SP100: variants seen among roughly 807,000 people sequenced by gnomAD.
The protein encoded by SP100 is nuclear autoantigen Sp-100.
In SP100, 84 loss-of-function variants were observed where a neutral mutation model predicts 130.0. That is an observed-to-expected ratio of 0.65 (90% CI 0.54 to 0.77). SP100 has a LOEUF of 0.77. Ranked by LOEUF, SP100 falls within the 30% of genes least tolerant of loss-of-function variation. The probability of loss-of-function intolerance (pLI) is 0.00; values close to 1 mark genes in which losing one functional copy is unlikely to be tolerated. For synonymous variants in SP100, 331 were observed against 351.7 expected, an observed-to-expected ratio of 0.94 and a Z score of 0.66; for missense variants, 978 against 1,052.2, an observed-to-expected ratio of 0.93 and a Z score of 0.97.
intron 13 of SP100, among the ~76,000 whole-genome samples, chr2:230,468,002 G>A (rs1415514007): frequency 1.3e-5 from 2 of 152,074 alleles, no homozygotes; most frequent in Non-Finnish European, 2.9e-5. Flanking sequence ...TTGACAGATG[G>A]CCCCCAACAT....
chr2:230,485,114 A>ATTTTT (rs1481299482), intron 17 of SP100, among the ~76,000 whole-genome samples: 2 of 150,808 alleles, frequency 1.3e-5, no homozygotes, highest in Non-Finnish European at 3.0e-5. Context: ...ATTTTATTTT[A>ATTTTT]TTTTATTATT....
intron 27 of SP100, among the ~76,000 whole-genome samples, chr2:230,541,585 G>T (rs1692179516): frequency 6.6e-6 from 1 of 152,164 alleles, no homozygotes; most frequent in South Asian, 2.1e-4. Flanking sequence ...TGTCAGTAGG[G>T]TCCGGTTCTG....
chr2:230,465,248 T>C (rs1335206574), intron 11 of SP100, among the ~76,000 whole-genome samples: 1 of 151,092 alleles, frequency 6.6e-6, no homozygotes, highest in African/African-American at 2.4e-5. Context: ...AAAAAAAAAT[T>C]AGCCAGGAAT....
intron 8 of SP100, among the ~76,000 whole-genome samples, chr2:230,457,835 C>A (rs2064361881): frequency 6.6e-6 from 1 of 152,124 alleles, no homozygotes; most frequent in Non-Finnish European, 1.5e-5. Context: ...CTCTACTTCT[C>A]CCCAATTTTC....
At chr2:230,521,000 G>C (rs1212827625) in intron 24 of SP100, among the ~76,000 whole-genome samples, 7 of 152,166 alleles carry the variant, frequency 4.6e-5, no homozygotes, top group African/African-American at 1.7e-4. Flanking sequence ...GCATTAATCA[G>C]TATGTCAACA....
chr2:230,440,579 C>A, intron 2 of SP100: 1 of 1,376,134 alleles, frequency 7.3e-7, no homozygotes, highest in Non-Finnish European at 9.5e-7. Flanking sequence ...GAGAGATATA[C>A]AATGTTAACA....
intron 8 of SP100, among the ~76,000 whole-genome samples, chr2:230,451,726 G>A (rs973242121): frequency 6.6e-5 from 10 of 152,248 alleles, no homozygotes; most frequent in South Asian, 2.1e-4. Flanking sequence ...GACCAATGTC[G>A]TGAAGCTTTT....
At chr2:230,463,378 G>A (rs977114283) in intron 10 of SP100, among the ~76,000 whole-genome samples, 6 of 152,072 alleles carry the variant, frequency 3.9e-5, no homozygotes, top group African/African-American at 9.7e-5. Context: ...TATGCAAATT[G>A]GTTGATTTGT....
intron 2 of SP100, among the ~76,000 whole-genome samples, chr2:230,430,454 T>G (rs1327746184): frequency 3.3e-5 from 5 of 152,248 alleles, no homozygotes; most frequent in Admixed American, 6.5e-5. Flanking sequence ...GTAGGGCCAC[T>G]GGCTGTGCTT....
chr2:230,474,334 A>G, intron 16 of SP100, 60 bp from the exon 17 acceptor site: 1 of 871,268 alleles, frequency 1.1e-6, no homozygotes, highest in Non-Finnish European at 1.9e-6. Context: ...GAATTGTCAT[A>G]AGATTTATAA....
At chr2:230,502,424 C>T (rs1009602635) in intron 19 of SP100, among the ~76,000 whole-genome samples, 1 of 152,110 alleles carries the variant, frequency 6.6e-6, no homozygotes, top group African/African-American at 2.4e-5. Context: ...TGACTCTTTC[C>T]CAAAGAAAAT....
chr2:230,519,868 C>T (rs1278386743), intron 24 of SP100, among the ~76,000 whole-genome samples: 4 of 152,126 alleles, frequency 2.6e-5, no homozygotes, highest in African/African-American at 2.4e-5. Context: ...TTGACCATCC[C>T]GGGTTACATG....
chr2:230,508,063 C>T (rs1326509671), intron 23 of SP100, 32 bp downstream of exon 23: 5 of 1,611,606 alleles, frequency 3.1e-6, no homozygotes, highest in South Asian at 2.2e-5. Flanking sequence ...GCCAATGTCT[C>T]GTCTATTATG....
intron 18 of SP100, 81 bp downstream of exon 18, chr2:230,494,541 C>G (rs1347567238): frequency 2.8e-6 from 3 of 1,056,858 alleles, no homozygotes; most frequent in Non-Finnish European, 4.4e-6. Context: ...TTGCTGCAGC[C>G]TCAGAATCTC....
chr2:230,485,019 T>A (rs2066002325), intron 17 of SP100, among the ~76,000 whole-genome samples: 4 of 152,154 alleles, frequency 2.6e-5, no homozygotes, highest in Admixed American at 2.6e-4. Context: ...AGCCTTGAAC[T>A]CCTCAGCTTA....
At chr2:230,516,048 T>A (rs185884796) in intron 24 of SP100, 1 of 994,830 alleles carries the variant, frequency 1.0e-6, no homozygotes, top group East Asian at 1.1e-4. Context: ...GCAGCTGTTT[T>A]GTTGACATTC....
chr2:230,443,197 C>A, intron 3 of SP100, 98 bp downstream of exon 3: 1 of 1,160,728 alleles, frequency 8.6e-7, no homozygotes. Context: ...AATTTGCTAA[C>A]TGACAGGTCT....
intron 19 of SP100, among the ~76,000 whole-genome samples, chr2:230,502,188 A>G (rs2067076075): frequency 6.6e-6 from 1 of 152,100 alleles, no homozygotes; most frequent in South Asian, 2.1e-4. Flanking sequence ...CAGCCCTGAG[A>G]TATCTTTTAA....
intron 8 of SP100, among the ~76,000 whole-genome samples, chr2:230,457,401 C>G (rs1224900557): frequency 6.6e-6 from 1 of 152,178 alleles, no homozygotes; most frequent in Non-Finnish European, 1.5e-5. Context: ...AGGCTGAAGA[C>G]TGAGTTCGCA....
Sources: gnomAD v4.1 joint callset for allele counts (sites outside exome capture counted in the v4.1 genomes callset) on GRCh38, gnomAD v4.1.1 for gene constraint, MANE v1.5 for transcripts, NCBI Gene and HGNC (gene_info 2026-07-23, HGNC 2026-07-21) for gene names.